The following ZFPM2 variants were observed in gnomAD, a reference collection of about 807,000 sequenced individuals.
The protein encoded by ZFPM2 is zinc finger protein, FOG family member 2.
In ZFPM2, 20 loss-of-function variants were observed where a neutral mutation model predicts 98.6. The observed-to-expected ratio is 0.20, with a 90% confidence interval of 0.14 to 0.29. The LOEUF is 0.29. Ranked by LOEUF, ZFPM2 falls within the 10% of genes least tolerant of loss-of-function variation. ZFPM2 has a pLI of 1.00. For synonymous variants in ZFPM2, 518 were observed against 502.7 expected (o/e 1.03, Z -0.41); for missense variants, 1,310 against 1,388.6 (o/e 0.94, Z 0.90).
Position 105,318,460 on chromosome 8 carries a change from G to GAGC in ZFPM2, c.-481_-479dup, listed in dbSNP as rs1811947702. ...CGCAGAACAGGAGCTGCGCGGCCCGGAGCGGCGGCGGCGGCGCCGGAGTAT... is the reference window on the plus strand; with the variant it reads ...CGCAGAACAGGAGCTGCGCGGCCCGGAGCAGCGGCGGCGGCGGCGCCGGAGTAT... On this transcript the variant is annotated 5_prime_UTR_variant, in exon 1 of 8. Coordinates refer to ENST00000407775, the MANE Select transcript of ZFPM2 (RefSeq NM_012082.4). Among the ~76,000 whole-genome samples the GAGC allele has an allele frequency of 6.6e-6, 1 of 151,282 alleles. No individual in the cohort carries two copies. The highest frequency in any genetic ancestry group is 1.5e-5 in the Non-Finnish European group (1 of 67,706).
At chr8:105,489,472 T>A (rs1182420908) in intron 3 of ZFPM2, among the ~76,000 whole-genome samples, 6 of 136,840 alleles carry the variant, frequency 4.4e-5, no homozygotes, top group African/African-American at 9.3e-5. Flanking sequence ...ATATATTTTT[T>A]TTTTTTTTTG....
intron 3 of ZFPM2, among the ~76,000 whole-genome samples, chr8:105,471,495 C>T (rs1184792861): frequency 2.6e-5 from 4 of 152,034 alleles, no homozygotes; most frequent in Admixed American, 2.0e-4. Context: ...ACTTTTTGGA[C>T]GAGGATGGGA....
chr8:105,585,937 A>T (rs1815702650), intron 4 of ZFPM2, among the ~76,000 whole-genome samples: 1 of 151,522 alleles, frequency 6.6e-6, no homozygotes, highest in Non-Finnish European at 1.5e-5. Flanking sequence ...AATGAGTAAG[A>T]ATAAATTGAG....
At chr8:105,573,098 G>A (rs149777230) in intron 4 of ZFPM2, among the ~76,000 whole-genome samples, 26 of 152,266 alleles carry the variant, frequency 1.7e-4, no homozygotes, top group African/African-American at 6.3e-4. Flanking sequence ...TCAGCTAGTG[G>A]AGGATCTGCT....
At chr8:105,688,014 A>G (rs1810780705) in intron 5 of ZFPM2, among the ~76,000 whole-genome samples, 1 of 152,172 alleles carries the variant, frequency 6.6e-6, no homozygotes, top group African/African-American at 2.4e-5. Flanking sequence ...GGCACTTACA[A>G]TGATATCAGG....
intron 3 of ZFPM2, among the ~76,000 whole-genome samples, chr8:105,560,270 T>G (rs1815103654): frequency 6.6e-6 from 1 of 152,048 alleles, no homozygotes; most frequent in South Asian, 2.1e-4. Flanking sequence ...GACATTAAAA[T>G]TGACGCAAAA....
At chr8:105,793,742 TCTTTTCACATAGTC>T (rs1394358753) in intron 6 of ZFPM2, among the ~76,000 whole-genome samples, 4 of 151,968 alleles carry the variant, frequency 2.6e-5, no homozygotes, top group Admixed American at 2.0e-4. Flanking sequence ...GTAGATTTGG[TCTTTTCACATAGTC>T]CCATATTTCT....
intron 1 of ZFPM2, among the ~76,000 whole-genome samples, chr8:105,346,549 T>C (rs1172600558): frequency 6.6e-6 from 1 of 152,198 alleles, no homozygotes; most frequent in Non-Finnish European, 1.5e-5. Context: ...ATGACAGATA[T>C]ATGTGTGCAA....
intron 1 of ZFPM2, among the ~76,000 whole-genome samples, chr8:105,363,329 A>G (rs534549344): frequency 1.3e-5 from 2 of 152,244 alleles, no homozygotes; most frequent in South Asian, 4.1e-4. Flanking sequence ...TGAAATGTAC[A>G]TTTTACAAGA....
chr8:105,799,730 C>G (rs901692770), intron 7 of ZFPM2, among the ~76,000 whole-genome samples: 14 of 152,152 alleles, frequency 9.2e-5, no homozygotes, highest in African/African-American at 3.4e-4. Context: ...TACATTCTTA[C>G]ATGGGACAAA....
intron 3 of ZFPM2, among the ~76,000 whole-genome samples, chr8:105,520,248 T>C (rs1563696646): frequency 6.6e-6 from 1 of 151,728 alleles, no homozygotes; most frequent in South Asian, 2.1e-4. Context: ...AAAAGTGAGA[T>C]AGAAAAATTT....
intron 1 of ZFPM2, chr8:105,387,096 T>TA (rs1445934788): frequency 6.6e-6 from 1 of 152,490 alleles, no homozygotes; most frequent in Non-Finnish European, 1.5e-5. Flanking sequence ...AGTAGCTAGA[T>TA]AGAGAGTGTG....
At chr8:105,352,852 C>T (rs1361598849) in intron 1 of ZFPM2, among the ~76,000 whole-genome samples, 1 of 152,026 alleles carries the variant, frequency 6.6e-6, no homozygotes, top group East Asian at 1.9e-4. Context: ...TGCCTACCTG[C>T]CTGCTTGATT....
At chr8:105,627,034 CT>C (rs1586159894) in intron 4 of ZFPM2, among the ~76,000 whole-genome samples, 2 of 152,004 alleles carry the variant, frequency 1.3e-5, no homozygotes, top group African/African-American at 2.4e-5. Context: ...TCCTCAATAT[CT>C]TTTTTTTCCA....
intron 1 of ZFPM2, among the ~76,000 whole-genome samples, chr8:105,392,658 T>G: frequency 6.6e-6 from 1 of 152,172 alleles, no homozygotes; most frequent in East Asian, 1.9e-4. Context: ...CATTTATGTT[T>G]TGGTCATTAT....
chr8:105,779,328 CG>C (rs1375513281), intron 5 of ZFPM2, among the ~76,000 whole-genome samples: 1 of 152,140 alleles, frequency 6.6e-6, no homozygotes, highest in Non-Finnish European at 1.5e-5. Flanking sequence ...GATGAGCCCC[CG>C]TAGCTGTGCT....
intron 4 of ZFPM2, among the ~76,000 whole-genome samples, chr8:105,580,116 C>T (rs762694435): frequency 6.6e-6 from 1 of 151,244 alleles, no homozygotes; most frequent in Non-Finnish European, 1.5e-5. Context: ...TAAGGATTTT[C>T]TGAATTGCTT....
intron 3 of ZFPM2, among the ~76,000 whole-genome samples, chr8:105,507,911 G>A (rs116638224): frequency 0.017 from 2,602 of 152,254 alleles, 74 homozygotes; most frequent in African/African-American, 0.058. Flanking sequence ...TCTTTCAGCC[G>A]TGGTGGAAAA....
intron 1 of ZFPM2, among the ~76,000 whole-genome samples, chr8:105,320,013 A>T (rs1751205788): frequency 6.6e-6 from 1 of 152,156 alleles, no homozygotes; most frequent in Non-Finnish European, 1.5e-5. Context: ...TGCTAGCTTT[A>T]TGATGTGTCT....
Sources: gnomAD v4.1 joint callset for allele counts (sites outside exome capture counted in the v4.1 genomes callset) on GRCh38, gnomAD v4.1.1 for gene constraint, MANE v1.5 for transcripts, NCBI Gene and HGNC (gene_info 2026-07-23, HGNC 2026-07-21) for gene names.